Variants in ARHGAP24 observed in about 807,000 individuals in gnomAD.
ARHGAP24 encodes the protein rho GTPase-activating protein 24.
In ARHGAP24, 50 loss-of-function variants were observed where a neutral mutation model predicts 76.4. The observed-to-expected ratio is 0.65, with a 90% CI of 0.52 to 0.83. The LOEUF is 0.83. Among genes scored for constraint, ARHGAP24 ranks in the 40% least tolerant of loss-of-function variants. The probability of loss-of-function intolerance (pLI) is 0.00; values close to 1 mark genes in which losing one functional copy is unlikely to be tolerated. For missense variants in ARHGAP24, 930 were observed against 914.2 expected (o/e 1.02, Z -0.22); for synonymous variants, 345 against 323.3 (o/e 1.07, Z -0.72).
At chr4:85,660,662 G>A (rs2109991381) in intron 2 of ARHGAP24, among the ~76,000 whole-genome samples, 1 of 152,094 alleles carries the variant, frequency 6.6e-6, no homozygotes, top group Non-Finnish European at 1.5e-5. Flanking sequence ...TGGGCATGGT[G>A]GCACATGCCT....
At chr4:85,572,874 CTT>C (rs775780758) in intron 2 of ARHGAP24, among the ~76,000 whole-genome samples, 284 of 124,240 alleles carry the variant, frequency 2.3e-3, no homozygotes, top group Middle Eastern at 4.2e-3. Context: ...TTTTTTCTTT[CTT>C]TTTTTTTTTT....
intron 5 of ARHGAP24, among the ~76,000 whole-genome samples, chr4:85,965,200 G>A (rs1409697780): frequency 6.6e-6 from 1 of 152,110 alleles, no homozygotes; most frequent in South Asian, 2.1e-4. Flanking sequence ...AAGGCAAGGA[G>A]GAGCAAGTCA....
chr4:85,560,094 TTC>T (rs1726533719), intron 1 of ARHGAP24, among the ~76,000 whole-genome samples: 1 of 152,288 alleles, frequency 6.6e-6, no homozygotes, highest in Non-Finnish European at 1.5e-5. Flanking sequence ...CAAGCAGCAG[TTC>T]TTTCTTAATC....
intron 3 of ARHGAP24, among the ~76,000 whole-genome samples, chr4:85,807,813 G>A (rs1157415779): frequency 6.6e-6 from 1 of 152,110 alleles, no homozygotes; most frequent in East Asian, 1.9e-4. Flanking sequence ...GGCATTTCAA[G>A]CACCGCTATT....
chr4:85,966,158 T>G (rs981445984), intron 5 of ARHGAP24, among the ~76,000 whole-genome samples: 28 of 152,254 alleles, frequency 1.8e-4, no homozygotes, highest in Middle Eastern at 6.8e-3. Context: ...AGCTTTTTAG[T>G]GTCTCATTTT....
chr4:85,898,363 G>C (rs1323437602), intron 3 of ARHGAP24, among the ~76,000 whole-genome samples: 2 of 151,996 alleles, frequency 1.3e-5, no homozygotes, highest in Non-Finnish European at 2.9e-5. Flanking sequence ...CCTTAGCGTA[G>C]ATCACTAGCA....
chr4:85,535,768 C>G (rs558641078), intron 1 of ARHGAP24, among the ~76,000 whole-genome samples: 1 of 152,142 alleles, frequency 6.6e-6, no homozygotes, highest in Non-Finnish European at 1.5e-5. Flanking sequence ...ATGTCTCCCC[C>G]CTATCTAGTT....
intron 1 of ARHGAP24, among the ~76,000 whole-genome samples, chr4:85,560,675 A>G (rs1352273544): frequency 1.3e-5 from 2 of 152,050 alleles, no homozygotes; most frequent in Non-Finnish European, 2.9e-5. Context: ...TTTAATTCCC[A>G]TTGTTCTTTT....
At chr4:85,920,119 A>G (rs1735644222) in intron 3 of ARHGAP24, among the ~76,000 whole-genome samples, 1 of 152,210 alleles carries the variant, frequency 6.6e-6, no homozygotes, top group South Asian at 2.1e-4. Context: ...ATTGTTCTCA[A>G]ACACTTATTA....
chr4:85,978,628 T>C (rs1423294144), intron 8 of ARHGAP24, among the ~76,000 whole-genome samples: 1 of 152,184 alleles, frequency 6.6e-6, no homozygotes, highest in African/African-American at 2.4e-5. Context: ...TACAAGAAGC[T>C]TGGAGATACA....
At chr4:85,849,115 T>G (rs931436173) in intron 3 of ARHGAP24, among the ~76,000 whole-genome samples, 26 of 145,030 alleles carry the variant, frequency 1.8e-4, no homozygotes, top group African/African-American at 2.2e-4. Flanking sequence ...TATCCTCTTT[T>G]ATTTCCTTGA....
At chr4:85,646,051 A>T (rs1721710300) in intron 2 of ARHGAP24, among the ~76,000 whole-genome samples, 1 of 152,102 alleles carries the variant, frequency 6.6e-6, no homozygotes, top group Admixed American at 6.6e-5. Context: ...TGAAAATTTA[A>T]CTACAAAATA....
At chr4:85,591,184 A>G (rs1247187761) in intron 2 of ARHGAP24, among the ~76,000 whole-genome samples, 1 of 151,790 alleles carries the variant, frequency 6.6e-6, no homozygotes, top group African/African-American at 2.4e-5. Flanking sequence ...ATCTGGGACT[A>G]CAGGCATGGC....
chr4:85,487,465 TATATTTATTACATATTATATAAAC>T (rs1723130493), intron 1 of ARHGAP24, among the ~76,000 whole-genome samples: 2 of 32,452 alleles, frequency 6.2e-5, no homozygotes, highest in African/African-American at 1.1e-4. Context: ...TATATAAACA[TATATTTATTACATATTATATAAAC>T]ATATATTTAT....
At chr4:85,599,075 A>T (rs1719944665) in intron 2 of ARHGAP24, among the ~76,000 whole-genome samples, 1 of 152,182 alleles carries the variant, frequency 6.6e-6, no homozygotes, top group Admixed American at 6.5e-5. Flanking sequence ...CACATTTCAC[A>T]TACTCAATAA....
chr4:85,734,923 C>A (rs1182028151), intron 3 of ARHGAP24, among the ~76,000 whole-genome samples: 1 of 152,050 alleles, frequency 6.6e-6, no homozygotes, highest in African/African-American at 2.4e-5. Context: ...CCACACATAG[C>A]CTTACTGCCA....
intron 5 of ARHGAP24, among the ~76,000 whole-genome samples, chr4:85,950,773 C>T (rs1737569587): frequency 1.3e-5 from 2 of 151,746 alleles, no homozygotes; most frequent in Admixed American, 6.6e-5. Flanking sequence ...TGGGTTCAAG[C>T]GATTCTCCTG....
chr4:85,631,272 A>C (rs1721150643), intron 2 of ARHGAP24, among the ~76,000 whole-genome samples: 1 of 152,082 alleles, frequency 6.6e-6, no homozygotes, highest in Non-Finnish European at 1.5e-5. Flanking sequence ...TATCTTTCTT[A>C]ATTCTCTATG....
chr4:85,541,775 TA>T (rs998756866), intron 1 of ARHGAP24, among the ~76,000 whole-genome samples: 7 of 151,964 alleles, frequency 4.6e-5, no homozygotes, highest in Admixed American at 4.6e-4. Context: ...TAAAATGCCA[TA>T]AAAAAACAGA....
Sources: allele counts gnomAD v4.1 joint callset (sites outside exome capture counted in the v4.1 genomes callset), GRCh38; gene constraint gnomAD v4.1.1; transcripts MANE v1.5; gene names NCBI Gene and HGNC (gene_info 2026-07-23, HGNC 2026-07-21).